The following CHD2 variants were observed in gnomAD, a reference collection of about 807,000 sequenced individuals.
CHD2 encodes the protein ATP-dependent chromatin remodeler CHD2.
CHD2 carries 28 observed loss-of-function variants against 243.9 expected under a neutral mutation model. The observed-to-expected ratio is 0.11, with a 90% CI of 0.09 to 0.16. The LOEUF (loss-of-function observed/expected upper bound fraction) is 0.16, where lower values mean the gene tolerates loss of function less well. CHD2 is among the 10% of genes least tolerant of loss of function. The pLI is 1.00. For missense variants in CHD2, 1,386 were observed against 2,209.8 expected (o/e 0.63, Z 7.47); for synonymous variants, 775 against 779.0 (o/e 0.99, Z 0.09).
In CHD2 at chr15:92,958,314, C is replaced by T. The variant is rs576623096; in HGVS notation, c.2000+1665C>T. On this transcript the variant is annotated intron_variant, in intron 16 of 38. Transcript: ENST00000394196. ...TCTAGCCGTTCTGGCGAATGTGTGT[C>T]ATTGTGGTTTTGACTTGCATTTCCC... Among the ~76,000 whole-genome samples the T allele has an allele frequency of 3.3e-5, 5 of 152,316 alleles. No individual in the cohort carries two copies. The East Asian group carries it at 5.8e-4, about 18-fold the overall frequency.
At chr15:93,016,543 A>C (rs1200116306) in intron 37 of CHD2, among the ~76,000 whole-genome samples, 1 of 152,226 alleles carries the variant, frequency 6.6e-6, no homozygotes, top group African/African-American at 2.4e-5. Context: ...AAAACATTGC[A>C]TTGTAATCAA....
chr15:92,986,043 C>T (rs934344917), intron 26 of CHD2, among the ~76,000 whole-genome samples: 3 of 152,052 alleles, frequency 2.0e-5, no homozygotes, highest in Admixed American at 6.6e-5. Context: ...CCCTCACTAC[C>T]TCTCCCCTCC....
rs764893280 is a variant in CHD2, at chr15:93,005,625, G to C, written c.4413+874G>C. On this transcript the variant is annotated intron_variant, in intron 34 of 38. Transcript: ENST00000394196. The stretch of plus-strand genomic sequence containing the variant: ...TGACCCTGTCCTGTAACCTCTCTCT[G>C]ACTTCTTTCTCTGAGTTCTCTAAAA... Among the ~76,000 whole-genome samples, 167 of 152,234 alleles carry C rather than the reference G, an allele frequency of 1.1e-3. No individual in the cohort carries two copies. In the Middle Eastern group the frequency reaches 0.014, roughly 12 times the overall value.
rs145018235 is a variant in CHD2, at chr15:93,026,954, A to C, written c.*2249A>C. On this transcript the variant is annotated 3_prime_UTR_variant, in exon 39 of 39. Transcript: ENST00000394196. ...TCTTGAGTTGCTGATAGGAGATGTG[A>C]GTTATGCCCAGAGATGTCTTATCGT... 3.9e-3 allele frequency: 594 copies of C among 152,730 alleles called. 2 individuals carry two copies. Among genetic ancestry groups the C allele is most frequent in the Admixed American group, 6.7e-3 (102 of 15,300 alleles). 9.5% of individuals were successfully genotyped at this position (152,730 alleles called of 1,614,324 possible). A position where few individuals can be genotyped will look rare whatever the true frequency, so the allele number is the denominator to read the frequency against.
intron 2 of CHD2, among the ~76,000 whole-genome samples, chr15:92,911,583 C>G (rs138615844): frequency 3.8e-4 from 58 of 152,092 alleles, no homozygotes; most frequent in Admixed American, 1.6e-3. Flanking sequence ...ACTAAAAATA[C>G]AAAAATTAGC....
intron 2 of CHD2, among the ~76,000 whole-genome samples, chr15:92,916,052 A>C (rs1169990120): frequency 6.6e-6 from 1 of 152,228 alleles, no homozygotes; most frequent in Non-Finnish European, 1.5e-5. Flanking sequence ...GTGAAAGGCT[A>C]ATCAAGAGAC....
chr15:93,012,492 A>C lies in CHD2; in HGVS notation c.4692+48A>C. 3 of 1,336,342 alleles carry C rather than the reference A, an allele frequency of 2.2e-6. No homozygotes were observed. In the South Asian group the frequency reaches 3.9e-5, roughly 17 times the overall value. 82.8% of individuals were successfully genotyped at this position (1,336,342 alleles called of 1,614,324 possible). Reference sequence around the variant, plus strand: ...ATTCATACAAACAAATACCAATTCCACAGAAAAATCTCTTAATTTTTGTTT... The same window carrying C: ...ATTCATACAAACAAATACCAATTCCCCAGAAAAATCTCTTAATTTTTGTTT... On this transcript the variant is annotated intron_variant, in intron 36 of 38. Coordinates refer to ENST00000394196, the MANE Select transcript of CHD2 (RefSeq NM_001271.4).
rs1437535175 is a variant in CHD2 at position 93,026,244 on chromosome 15, C to T, written c.*1539C>T. On this transcript the variant is annotated 3_prime_UTR_variant, in exon 39 of 39. Transcript: ENST00000394196. ...TGCCTGTAAGTGTCCAGGCTCAGAG[C>T]TGGTGAAAACCCTTCTGTTGGGCGT... The T allele has an allele frequency of 6.5e-6, 1 of 152,672 alleles. No individual in the cohort carries two copies. Among genetic ancestry groups the T allele is most frequent in the Non-Finnish European group, 1.5e-5 (1 of 68,058 alleles). The allele number at this position is 152,672 out of a possible 1,614,324, so 9.5% of individuals were successfully genotyped here. A position where few individuals can be genotyped will look rare whatever the true frequency, so the allele number is the denominator to read the frequency against.
At chr15:92,965,896 A>G (rs1430774018) in intron 16 of CHD2, among the ~76,000 whole-genome samples, 1 of 152,068 alleles carries the variant, frequency 6.6e-6, no homozygotes, top group African/African-American at 2.4e-5. Flanking sequence ...TTATTATAAC[A>G]TGTGTTAGGT....
At chr15:92,942,284 A>G (rs928630677) in intron 8 of CHD2, among the ~76,000 whole-genome samples, 2 of 152,212 alleles carry the variant, frequency 1.3e-5, no homozygotes, top group African/African-American at 4.8e-5. Context: ...GGTTAAATAA[A>G]TATTGTGGTA....
At chr15:92,967,538 T>C in intron 17 of CHD2, 25 bp downstream of exon 17, 1 of 1,594,264 alleles carries the variant, frequency 6.3e-7, no homozygotes. Context: ...GGGTTAGGCC[T>C]GAAGGGGTTG....
chr15:92,928,119 G>C (rs2053097418), intron 4 of CHD2, among the ~76,000 whole-genome samples: 1 of 152,192 alleles, frequency 6.6e-6, no homozygotes, highest in South Asian at 2.1e-4. Context: ...GATAGCCACA[G>C]GTCAGTGAGT....
chr15:92,956,394 C>T, intron 15 of CHD2, 65 bp from the exon 16 acceptor site: 10 of 1,157,350 alleles, frequency 8.6e-6, no homozygotes, highest in Non-Finnish European at 1.3e-5. Flanking sequence ...AGATAATTAA[C>T]ACTTGAAAGC....
intron 22 of CHD2, among the ~76,000 whole-genome samples, chr15:92,979,947 GATA>G (rs201750665): frequency 1.8e-3 from 269 of 151,782 alleles, no homozygotes; most frequent in Middle Eastern, 6.8e-3. Flanking sequence ...ATATTATCAA[GATA>G]ATAATGATAT....
chr15:92,968,612 A>T (rs1444383666), intron 17 of CHD2, among the ~76,000 whole-genome samples: 2 of 152,228 alleles, frequency 1.3e-5, no homozygotes, highest in Admixed American at 6.5e-5. Flanking sequence ...ATTAGGTGGA[A>T]TACTTTTATA....
intron 2 of CHD2, among the ~76,000 whole-genome samples, chr15:92,906,290 T>C (rs965597071): frequency 1.2e-4 from 19 of 152,218 alleles, no homozygotes; most frequent in African/African-American, 3.9e-4. Flanking sequence ...GTTTAAAATA[T>C]GCACTTTCCA....
chr15:93,010,564 CA>C (rs2141883391), intron 35 of CHD2, among the ~76,000 whole-genome samples: 1 of 152,238 alleles, frequency 6.6e-6, no homozygotes, highest in South Asian at 2.1e-4. Flanking sequence ...GCTGGGATTA[CA>C]GGTGCCTGCC....
At position 92,939,256 on chromosome 15, in the gene CHD2, C is replaced by G. The variant is rs985795082; in HGVS notation, c.552-322C>G. ...TGATAGCTATTTCCAGTTTGCCCAC[C>G]AAAGAGATACTATCATGAACAACAT... On this transcript the variant is annotated intron_variant, in intron 6 of 38. Transcript: ENST00000394196. 2.0e-5 allele frequency among the ~76,000 whole-genome samples: 3 copies of G among 152,068 alleles called. No homozygotes were observed. The South Asian group carries it at 6.2e-4, about 32-fold the overall frequency.
chr15:93,018,015 A>G (rs1394346175), intron 37 of CHD2, among the ~76,000 whole-genome samples: 2 of 152,196 alleles, frequency 1.3e-5, no homozygotes, highest in African/African-American at 2.4e-5. Flanking sequence ...TAATAGCTCA[A>G]TACTTTGTAA....
Sources: gnomAD v4.1 joint callset for allele counts (sites outside exome capture counted in the v4.1 genomes callset) on GRCh38, gnomAD v4.1.1 for gene constraint, MANE v1.5 for transcripts, NCBI Gene and HGNC (gene_info 2026-07-23, HGNC 2026-07-21) for gene names.